Variants in SYNPR observed in about 807,000 individuals in gnomAD.
The protein encoded by SYNPR is synaptoporin.
SYNPR carries 23 observed loss-of-function variants against 32.9 expected under a neutral mutation model. The ratio of observed to expected loss-of-function variants is 0.70; its 90% CI spans 0.50 to 0.99. The LOEUF (loss-of-function observed/expected upper bound fraction) is 0.99. SYNPR is among the 50% of genes least tolerant of loss of function. SYNPR has a pLI of 0.00. For synonymous variants in SYNPR, 146 were observed against 135.9 expected, an observed-to-expected ratio of 1.07 and a Z score of -0.52; for missense variants, 318 against 349.3, an observed-to-expected ratio of 0.91 and a Z score of 0.71.
At chr3:63,485,038 C>T (rs188980737) in intron 3 of SYNPR, among the ~76,000 whole-genome samples, 2 of 152,226 alleles carry the variant, frequency 1.3e-5, no homozygotes, top group South Asian at 2.1e-4. Context: ...GTTTGAGATG[C>T]TTGTTAGAAG....
At chr3:63,317,357 T>C (rs774936890) in intron 2 of SYNPR, among the ~76,000 whole-genome samples, 89 of 152,096 alleles carry the variant, frequency 5.9e-4, no homozygotes, top group Non-Finnish European at 1.3e-3. Context: ...TATTATTGTG[T>C]TGCTGTCTAT....
chr3:63,420,142 T>C (rs1330760163), intron 2 of SYNPR, among the ~76,000 whole-genome samples: 1 of 152,116 alleles, frequency 6.6e-6, no homozygotes, highest in Non-Finnish European at 1.5e-5. Context: ...ATGCAAATTT[T>C]CCCCCAATTA....
intron 2 of SYNPR, among the ~76,000 whole-genome samples, chr3:63,327,787 G>A (rs557296864): frequency 6.6e-6 from 1 of 152,126 alleles, no homozygotes; most frequent in Admixed American, 6.6e-5. Context: ...GTGGTTAGAG[G>A]TTAAGGAAGG....
At chr3:63,368,739 G>GA (rs906761982) in intron 2 of SYNPR, among the ~76,000 whole-genome samples, 35 of 152,146 alleles carry the variant, frequency 2.3e-4, no homozygotes, top group African/African-American at 7.2e-4. Flanking sequence ...AAGATAGAAT[G>GA]AAAAAAATGG....
At chr3:63,606,095 A>G (rs1700114723) in intron 4 of SYNPR, among the ~76,000 whole-genome samples, 1 of 152,186 alleles carries the variant, frequency 6.6e-6, no homozygotes, top group African/African-American at 2.4e-5. Context: ...TATTATTTCA[A>G]CTTACAGAGA....
rs1700653631 is a variant in SYNPR at position 63,465,191 on chromosome 3, T to C, written c.85-15641T>C. Among the ~76,000 whole-genome samples, 3 of 152,160 alleles carry C rather than the reference T, an allele frequency of 2.0e-5. No individual in the cohort carries two copies. The South Asian group carries it at 6.2e-4, about 32-fold the overall frequency. On this transcript the variant is annotated intron_variant, in intron 2 of 5. Transcript: ENST00000478300. ...TATAAAGCCCTTTAGGCTATGGTGA[T>C]CCTTCATTTCATTAAAATATAATGA...
chr3:63,271,008 CTTCCTTCCTTCCTTCT>C (rs2086532385), intron 3 of SYNPR, among the ~76,000 whole-genome samples: 3 of 78,140 alleles, frequency 3.8e-5, no homozygotes, highest in South Asian at 1.4e-3. Context: ...TCTTTCCTTC[CTTCCTTCCTTCCTTCT>C]TTCCTTCCTT....
At chr3:63,589,201 A>G (rs1418137851) in intron 4 of SYNPR, among the ~76,000 whole-genome samples, 2 of 152,078 alleles carry the variant, frequency 1.3e-5, no homozygotes, top group Non-Finnish European at 2.9e-5. Flanking sequence ...ACCTAAAAAG[A>G]TCCTGGATGC....
intron 2 of SYNPR, among the ~76,000 whole-genome samples, chr3:63,362,779 C>T (rs545383906): frequency 1.5e-4 from 23 of 152,168 alleles, no homozygotes; most frequent in Non-Finnish European, 2.5e-4. Flanking sequence ...GAGCAGAGAT[C>T]TCAGCCTCTA....
At chr3:63,602,689 T>C (rs1700063480) in intron 4 of SYNPR, among the ~76,000 whole-genome samples, 1 of 152,220 alleles carries the variant, frequency 6.6e-6, no homozygotes, top group East Asian at 1.9e-4. Flanking sequence ...CTTTCTATTC[T>C]GTTCCATTGG....
intron 2 of SYNPR, among the ~76,000 whole-genome samples, chr3:63,394,370 A>G (rs2088185416): frequency 6.6e-6 from 1 of 152,206 alleles, no homozygotes; most frequent in Admixed American, 6.5e-5. Context: ...TTGTAAATTA[A>G]ATCTGATTTT....
chr3:63,596,291 C>A (rs1306216922), intron 4 of SYNPR, among the ~76,000 whole-genome samples: 12 of 122,438 alleles, frequency 9.8e-5, no homozygotes, highest in Non-Finnish European at 1.7e-4. Context: ...TTACTTCCTT[C>A]CCCCTCCTCC....
intron 2 of SYNPR, among the ~76,000 whole-genome samples, chr3:63,309,046 C>A (rs1230583745): frequency 6.6e-6 from 1 of 151,818 alleles, no homozygotes; most frequent in East Asian, 1.9e-4. Flanking sequence ...ATTCTTTATT[C>A]TATCTGTGTT....
At chr3:63,257,153 T>C (rs2086391737) in intron 2 of SYNPR, among the ~76,000 whole-genome samples, 1 of 152,196 alleles carries the variant, frequency 6.6e-6, no homozygotes, top group African/African-American at 2.4e-5. Context: ...TGCAGGATAT[T>C]ATCCAGGAGA....
In SYNPR at chr3:63,496,272, T is replaced by C. The variant is rs1166593169; in HGVS notation, c.209+15316T>C. ...TTTTTATGCATTCATTTTTATAATTTTGATGTAAATATTATTTTACAAGTC... is the reference window on the plus strand; with the variant it reads ...TTTTTATGCATTCATTTTTATAATTCTGATGTAAATATTATTTTACAAGTC... On this transcript the variant is annotated intron_variant, in intron 3 of 5. Transcript: ENST00000478300. Among the ~76,000 whole-genome samples, 4 of 152,224 alleles carry C rather than the reference T, an allele frequency of 2.6e-5. No homozygotes were observed. In the East Asian group the frequency reaches 5.8e-4, roughly 22 times the overall value.
chr3:63,408,230 A>C (rs929366901), intron 2 of SYNPR, among the ~76,000 whole-genome samples: 2 of 67,142 alleles, frequency 3.0e-5, no homozygotes, highest in Non-Finnish European at 6.1e-5. Flanking sequence ...GGAAGGAAGG[A>C]AAGAAAGAAA....
chr3:63,392,430 C>T (rs2088150930), intron 2 of SYNPR, among the ~76,000 whole-genome samples: 2 of 152,192 alleles, frequency 1.3e-5, no homozygotes, highest in South Asian at 4.1e-4. Context: ...TAATCCTTGA[C>T]AGCTAGTGTG....
intron 2 of SYNPR, among the ~76,000 whole-genome samples, chr3:63,403,805 T>G (rs1194353528): frequency 1.3e-5 from 2 of 151,914 alleles, no homozygotes; most frequent in Non-Finnish European, 2.9e-5. Flanking sequence ...GGGTAGCAAA[T>G]GATGAAGTAA....
chr3:63,337,419 A>G (rs569564419), intron 2 of SYNPR, among the ~76,000 whole-genome samples: 63 of 152,274 alleles, frequency 4.1e-4, no homozygotes, highest in African/African-American at 1.4e-3. Context: ...GATCGTGGGA[A>G]TGCAAAATGG....
Sources: gnomAD v4.1 joint callset for allele counts (sites outside exome capture counted in the v4.1 genomes callset) on GRCh38, gnomAD v4.1.1 for gene constraint, MANE v1.5 for transcripts, NCBI Gene and HGNC (gene_info 2026-07-23, HGNC 2026-07-21) for gene names.